Variants in WWOX observed in about 807,000 individuals in gnomAD.
WWOX encodes the protein WW domain-containing oxidoreductase.
WWOX carries 69 observed loss-of-function variants against 46.2 expected under a neutral mutation model. The observed-to-expected ratio is 1.49, with a 90% confidence interval of 1.23 to 1.82. The LOEUF (loss-of-function observed/expected upper bound fraction) is 1.82, where lower values mean the gene tolerates loss of function less well. Among genes scored for constraint, WWOX ranks in the 40% most tolerant of loss-of-function variants. The pLI, the probability that WWOX is intolerant of heterozygous loss-of-function variation, is 0.00. For synonymous variants in WWOX, 359 were observed against 202.6 expected (o/e 1.77, Z -6.56); for missense variants, 919 against 542.6 (o/e 1.69, Z -6.89).
At chr16:79,183,603 T>C (rs2050955324) in intron 8 of WWOX, among the ~76,000 whole-genome samples, 1 of 152,234 alleles carries the variant, frequency 6.6e-6, no homozygotes, top group Non-Finnish European at 1.5e-5. Flanking sequence ...AGTGTGTTCC[T>C]TATACTTAAT....
intron 8 of WWOX, among the ~76,000 whole-genome samples, chr16:78,868,308 A>G (rs2044050560): frequency 1.3e-5 from 2 of 152,162 alleles, no homozygotes; most frequent in Admixed American, 6.5e-5. Context: ...TGACATTTAT[A>G]TGAAATTTCT....
At chr16:78,492,312 C>A (rs12102556) in intron 8 of WWOX, among the ~76,000 whole-genome samples, 62 of 152,258 alleles carry the variant, frequency 4.1e-4, no homozygotes, top group Non-Finnish European at 2.9e-4. Context: ...TTTTTTTCTT[C>A]TTTTCTATCT....
intron 8 of WWOX, among the ~76,000 whole-genome samples, chr16:78,578,586 C>T (rs944127551): frequency 5.9e-5 from 9 of 151,940 alleles, no homozygotes; most frequent in Non-Finnish European, 1.2e-4. Flanking sequence ...CCGCGGCTGG[C>T]GAAAATTATA....
intron 8 of WWOX, among the ~76,000 whole-genome samples, chr16:79,049,518 C>G (rs1489532352): frequency 1.3e-5 from 2 of 152,120 alleles, no homozygotes; most frequent in Non-Finnish European, 2.9e-5. Context: ...GCCCAGATGG[C>G]ATTGTTGAGG....
intron 8 of WWOX, among the ~76,000 whole-genome samples, chr16:78,735,000 G>A (rs1423819155): frequency 6.6e-6 from 1 of 151,048 alleles, no homozygotes; most frequent in Non-Finnish European, 1.5e-5. Context: ...CCGAGTAGCT[G>A]GGATTACAGG....
intron 8 of WWOX, among the ~76,000 whole-genome samples, chr16:78,656,068 C>T (rs1401282722): frequency 6.6e-6 from 1 of 152,182 alleles, no homozygotes; most frequent in African/African-American, 2.4e-5. Context: ...TTATTCTTCT[C>T]TCTTTCTGAT....
At chr16:78,886,993 T>G (rs1432973516) in intron 8 of WWOX, among the ~76,000 whole-genome samples, 1 of 151,884 alleles carries the variant, frequency 6.6e-6, no homozygotes, top group East Asian at 1.9e-4. Flanking sequence ...GGAGGAGAAA[T>G]TTGAGTTTTC....
At chr16:78,546,322 G>A (rs962727602) in intron 8 of WWOX, among the ~76,000 whole-genome samples, 2 of 152,122 alleles carry the variant, frequency 1.3e-5, no homozygotes, top group African/African-American at 2.4e-5. Flanking sequence ...GGACCAGGAG[G>A]TAGAGAAAAC....
chr16:78,573,548 G>A (rs919451895), intron 8 of WWOX, among the ~76,000 whole-genome samples: 12 of 152,300 alleles, frequency 7.9e-5, no homozygotes, highest in African/African-American at 2.9e-4. Flanking sequence ...AACATTCAGT[G>A]GCTCCCTGGG....
rs923505440 is a variant in WWOX at position 78,676,376 on chromosome 16, A to G, written c.1056+243624A>G. On this transcript the variant is annotated intron_variant, in intron 8 of 8. Coordinates refer to ENST00000566780, the MANE Select transcript of WWOX (RefSeq NM_016373.4). ...TTGTCACTTAGGCCTTGGTAGCATG[A>G]GCTATTAACAGCCCTCCATATTTAC... 8.7e-5 allele frequency among the ~76,000 whole-genome samples: 13 copies of G among 150,040 alleles called. No individual in the cohort carries two copies. In the South Asian group the frequency reaches 1.5e-3, roughly 17 times the overall value.
At chr16:79,096,333 C>A (rs527774056) in intron 8 of WWOX, among the ~76,000 whole-genome samples, 1 of 152,286 alleles carries the variant, frequency 6.6e-6, no homozygotes, top group African/African-American at 2.4e-5. Context: ...GCAAGCCATG[C>A]TCTCGAGCTG....
At chr16:78,509,086 G>A (rs1366411663) in intron 8 of WWOX, among the ~76,000 whole-genome samples, 3 of 152,232 alleles carry the variant, frequency 2.0e-5, no homozygotes, top group Non-Finnish European at 2.9e-5. Flanking sequence ...TTTCCAGTGT[G>A]CAGTGAGGCC....
intron 6 of WWOX, 26 bp from the exon 7 acceptor site, chr16:78,424,844 A>C: frequency 6.2e-7 from 1 of 1,613,904 alleles, no homozygotes; most frequent in African/African-American, 1.3e-5. Flanking sequence ...TTATGTCCAC[A>C]TCACATGGGA....
intron 8 of WWOX, among the ~76,000 whole-genome samples, chr16:78,624,692 C>G (rs188221842): frequency 3.9e-5 from 6 of 152,304 alleles, no homozygotes; most frequent in Admixed American, 2.0e-4. Context: ...AGATTTTTCT[C>G]AAAGTTGCCT....
At chr16:78,112,932 C>T (rs2032580769) in intron 3 of WWOX, among the ~76,000 whole-genome samples, 3 of 152,054 alleles carry the variant, frequency 2.0e-5, no homozygotes, top group South Asian at 4.1e-4. Flanking sequence ...TCTTGAACTT[C>T]TGGCCTTCAG....
intron 6 of WWOX, among the ~76,000 whole-genome samples, chr16:78,421,234 C>G (rs1041045556): frequency 6.6e-6 from 1 of 152,218 alleles, no homozygotes; most frequent in Non-Finnish European, 1.5e-5. Flanking sequence ...GACCAAACAT[C>G]TGAAATCAAG....
At chr16:78,698,290 G>A (rs550325877) in intron 8 of WWOX, among the ~76,000 whole-genome samples, 9 of 152,312 alleles carry the variant, frequency 5.9e-5, no homozygotes, top group African/African-American at 2.2e-4. Context: ...GTTTACCACT[G>A]ACCCCATCAG....
intron 8 of WWOX, among the ~76,000 whole-genome samples, chr16:78,812,445 G>C (rs1387928965): frequency 6.6e-6 from 1 of 151,996 alleles, no homozygotes; most frequent in Non-Finnish European, 1.5e-5. Context: ...TATCTGACTG[G>C]GCATGGTGGC....
chr16:78,212,519 T>TGGG (rs2036590475), intron 5 of WWOX, among the ~76,000 whole-genome samples: 1 of 152,194 alleles, frequency 6.6e-6, no homozygotes, highest in Admixed American at 6.5e-5. Flanking sequence ...GACTGATAGA[T>TGGG]GGGCTGTGTC....
Sources: allele counts gnomAD v4.1 joint callset (sites outside exome capture counted in the v4.1 genomes callset), GRCh38; gene constraint gnomAD v4.1.1; transcripts MANE v1.5; gene names NCBI Gene and HGNC (gene_info 2026-07-23, HGNC 2026-07-21).